DAB1: variants seen among roughly 807,000 people sequenced by gnomAD.
DAB1 encodes DAB adaptor protein 1, also known as disabled homolog 1.
Under a neutral mutation model 64.6 loss-of-function variants are expected in DAB1, and 15 were observed. The observed-to-expected ratio is 0.23, with a 90% CI of 0.16 to 0.36. The LOEUF is 0.36. Ranked by LOEUF, DAB1 falls within the 10% of genes least tolerant of loss-of-function variation. The probability of loss-of-function intolerance (pLI) is 1.00; values close to 1 mark genes in which losing one functional copy is unlikely to be tolerated. For synonymous variants in DAB1, 235 were observed against 251.9 expected, an observed-to-expected ratio of 0.93 and a Z score of 0.64; for missense variants, 596 against 706.7, an observed-to-expected ratio of 0.84 and a Z score of 1.78.
At chr1:57,313,743 G>A (rs1348586563) in intron 1 of DAB1, among the ~76,000 whole-genome samples, 1 of 152,178 alleles carries the variant, frequency 6.6e-6, no homozygotes, top group African/African-American at 2.4e-5. Flanking sequence ...CATAGACAAT[G>A]TTTATGCCCC....
chr1:57,953,979 C>G (rs1017964990), intron 5 of DAB1, among the ~76,000 whole-genome samples: 2 of 152,036 alleles, frequency 1.3e-5, no homozygotes, highest in African/African-American at 4.8e-5. Context: ...TTTTATTAAC[C>G]CTTCCCATAC....
At chr1:57,240,339 G>A (rs554043813) in intron 2 of DAB1, among the ~76,000 whole-genome samples, 2 of 152,270 alleles carry the variant, frequency 1.3e-5, no homozygotes, top group East Asian at 3.9e-4. Context: ...AAACTGGAAT[G>A]AATAAAACAA....
chr1:58,276,657 T>A (rs1437573614), intron 4 of DAB1, among the ~76,000 whole-genome samples: 1 of 152,202 alleles, frequency 6.6e-6, no homozygotes, highest in Non-Finnish European at 1.5e-5. Context: ...GACTTTTACC[T>A]GGAAGGGTCT....
At chr1:57,218,515 TAAAAAAA>T (rs776398255) in intron 2 of DAB1, among the ~76,000 whole-genome samples, 7 of 71,450 alleles carry the variant, frequency 9.8e-5, no homozygotes, top group East Asian at 5.9e-4. Flanking sequence ...CCCCCATCTC[TAAAAAAA>T]AAAAAAAAAA....
chr1:57,511,117 C>T (rs1334615656), intron 7 of DAB1, among the ~76,000 whole-genome samples: 1 of 152,216 alleles, frequency 6.6e-6, no homozygotes, highest in Admixed American at 6.5e-5. Flanking sequence ...TAGTCCCTAA[C>T]TGGTCCTCTA....
intron 2 of DAB1, among the ~76,000 whole-genome samples, chr1:57,150,126 G>A (rs534300750): frequency 6.6e-4 from 100 of 152,244 alleles, no homozygotes; most frequent in Non-Finnish European, 1.0e-3. Flanking sequence ...TTGTATAATC[G>A]TTGGTAAGTT....
intron 1 of DAB1, among the ~76,000 whole-genome samples, chr1:57,396,268 T>C (rs1006551184): frequency 1.3e-5 from 2 of 152,256 alleles, no homozygotes; most frequent in African/African-American, 4.8e-5. Context: ...CCATTTAACC[T>C]AGCATCTCCA....
At chr1:57,269,102 C>G (rs766874246) in intron 2 of DAB1, among the ~76,000 whole-genome samples, 7 of 152,132 alleles carry the variant, frequency 4.6e-5, no homozygotes, top group African/African-American at 7.2e-5. Context: ...GATACAGCCA[C>G]TGTCAGAGCC....
chr1:57,983,108 C>T (rs1243250451), intron 5 of DAB1, among the ~76,000 whole-genome samples: 3 of 152,154 alleles, frequency 2.0e-5, no homozygotes, highest in Admixed American at 1.3e-4. Flanking sequence ...GATCATTGGT[C>T]ATTCCTCTTT....
intron 4 of DAB1, among the ~76,000 whole-genome samples, chr1:58,245,405 T>C (rs187939844): frequency 1.9e-4 from 29 of 152,284 alleles, no homozygotes; most frequent in African/African-American, 6.7e-4. Context: ...CACGTGTGCC[T>C]CTGTTTTTCA....
chr1:58,358,474 G>C (rs942539271), intron 3 of DAB1, among the ~76,000 whole-genome samples: 3 of 152,180 alleles, frequency 2.0e-5, no homozygotes. Flanking sequence ...GACTGAACAT[G>C]ACTCATCTGA....
chr1:57,399,356 G>A (rs1683060673), intron 1 of DAB1, among the ~76,000 whole-genome samples: 1 of 152,146 alleles, frequency 6.6e-6, no homozygotes, highest in Non-Finnish European at 1.5e-5. Context: ...CATGATAGAT[G>A]GATGGATGGA....
At chr1:57,650,977 G>A (rs1646249407) in intron 6 of DAB1, among the ~76,000 whole-genome samples, 1 of 152,122 alleles carries the variant, frequency 6.6e-6, no homozygotes, top group Admixed American at 6.6e-5. Context: ...AGGAATGAGT[G>A]TGTGAATGAA....
chr1:58,313,725 A>C (rs1662480337), intron 4 of DAB1, among the ~76,000 whole-genome samples: 1 of 151,976 alleles, frequency 6.6e-6, no homozygotes, highest in African/African-American at 2.4e-5. Flanking sequence ...CAATTCTGGA[A>C]GTTGGAAGTC....
chr1:58,432,360 T>C (rs1032094751), intron 3 of DAB1, among the ~76,000 whole-genome samples: 3 of 152,212 alleles, frequency 2.0e-5, no homozygotes, highest in African/African-American at 7.2e-5. Context: ...AGACTCTAAG[T>C]TCCTCAAAAT....
At chr1:58,408,359 G>A (rs1305315504) in intron 3 of DAB1, among the ~76,000 whole-genome samples, 1 of 152,172 alleles carries the variant, frequency 6.6e-6, no homozygotes, top group Non-Finnish European at 1.5e-5. Flanking sequence ...CTGTCTAGCT[G>A]TCCTCTGACC....
chr1:57,607,301 A>C (rs934275375), intron 7 of DAB1, among the ~76,000 whole-genome samples: 3 of 152,172 alleles, frequency 2.0e-5, no homozygotes, highest in Admixed American at 6.5e-5. Context: ...ACGTTTCTCC[A>C]ATTACATTCC....
intron 1 of DAB1, among the ~76,000 whole-genome samples, chr1:57,312,878 G>A (rs1046752540): frequency 6.6e-6 from 1 of 152,040 alleles, no homozygotes; most frequent in African/African-American, 2.4e-5. Flanking sequence ...GTTCCAGGGG[G>A]ACGGTTCCAC....
chr1:58,024,531 C>A (rs1461743007), intron 5 of DAB1, among the ~76,000 whole-genome samples: 2 of 152,168 alleles, frequency 1.3e-5, no homozygotes, highest in Non-Finnish European at 2.9e-5. Context: ...TCTATACACC[C>A]ACTGTGTCAT....
Sources: allele counts gnomAD v4.1 joint callset (sites outside exome capture counted in the v4.1 genomes callset), GRCh38; gene constraint gnomAD v4.1.1; transcripts MANE v1.5; gene names NCBI Gene and HGNC (gene_info 2026-07-23, HGNC 2026-07-21).